The following VAV3 variants were observed in gnomAD, a reference collection of about 807,000 sequenced individuals.
VAV3 encodes vav guanine nucleotide exchange factor 3.
Under a neutral mutation model 131.2 loss-of-function variants are expected in VAV3, and 94 were observed. That is an observed-to-expected ratio of 0.72 (90% CI 0.61 to 0.85). VAV3 has a LOEUF of 0.85. VAV3 is among the 40% of genes least tolerant of loss of function. VAV3 has a pLI of 0.00. For missense variants in VAV3, 939 were observed against 1,002.7 expected (o/e 0.94, Z 0.86); for synonymous variants, 349 against 342.0 (o/e 1.02, Z -0.22).
intron 2 of VAV3, among the ~76,000 whole-genome samples, chr1:107,866,290 A>C (rs976660849): frequency 1.3e-5 from 2 of 152,120 alleles, no homozygotes; most frequent in Non-Finnish European, 2.9e-5. Flanking sequence ...TCTTCTGAGG[A>C]GGCAAGAATT....
chr1:107,778,824 A>C (rs1307774945), intron 3 of VAV3, among the ~76,000 whole-genome samples: 4 of 152,190 alleles, frequency 2.6e-5, no homozygotes, highest in Non-Finnish European at 5.9e-5. Flanking sequence ...TTGCTGACTG[A>C]TCTAACTTAA....
chr1:107,799,185 CCTCAT>C (rs1230824751), intron 2 of VAV3, among the ~76,000 whole-genome samples: 1 of 151,644 alleles, frequency 6.6e-6, no homozygotes, highest in East Asian at 1.9e-4. Flanking sequence ...TTTTTAGTTA[CCTCAT>C]TTCATATTTG....
chr1:107,893,723 A>C (rs552889316), intron 1 of VAV3, among the ~76,000 whole-genome samples: 164 of 152,328 alleles, frequency 1.1e-3, no homozygotes, highest in African/African-American at 3.9e-3. Context: ...GTGGGAATTC[A>C]AGATGAGATT....
intron 1 of VAV3, among the ~76,000 whole-genome samples, chr1:107,896,067 A>G (rs12080586): frequency 0.22 from 33,993 of 151,964 alleles, 3,919 homozygotes; most frequent in African/African-American, 0.27. Flanking sequence ...ACTTTCTCCC[A>G]TGGCCACAAG....
At chr1:107,759,154 C>T (rs139831047) in intron 10 of VAV3, among the ~76,000 whole-genome samples, 147 of 152,178 alleles carry the variant, frequency 9.7e-4, no homozygotes, top group African/African-American at 3.3e-3. Context: ...GAGCTTTATC[C>T]GAGTAGGGTC....
chr1:107,924,192 G>C (rs1361118009), intron 1 of VAV3, among the ~76,000 whole-genome samples: 1 of 152,084 alleles, frequency 6.6e-6, no homozygotes, highest in Non-Finnish European at 1.5e-5. Flanking sequence ...AGAAGTGACA[G>C]AAATTTGTCA....
chr1:107,740,845 C>T (rs1219866456), intron 15 of VAV3, among the ~76,000 whole-genome samples: 2 of 152,180 alleles, frequency 1.3e-5, no homozygotes, highest in East Asian at 3.9e-4. Flanking sequence ...TTAACTATGA[C>T]AGAATTGAGT....
chr1:107,803,383 T>C (rs1033340679), intron 2 of VAV3, among the ~76,000 whole-genome samples: 3 of 152,062 alleles, frequency 2.0e-5, no homozygotes, highest in Non-Finnish European at 4.4e-5. Flanking sequence ...TGTAGGTATT[T>C]ACTGCTATAA....
intron 1 of VAV3, among the ~76,000 whole-genome samples, chr1:107,953,053 C>T (rs1375720995): frequency 6.6e-6 from 1 of 152,148 alleles, no homozygotes; most frequent in Non-Finnish European, 1.5e-5. Context: ...TTTTTGAAAG[C>T]ACTTTTCCAG....
intron 2 of VAV3, among the ~76,000 whole-genome samples, chr1:107,781,217 A>G (rs1409348771): frequency 6.6e-6 from 1 of 152,194 alleles, no homozygotes; most frequent in Non-Finnish European, 1.5e-5. Flanking sequence ...TAACTGCTTC[A>G]TGGAGTTACT....
chr1:107,654,609 TC>T (rs1656408215), intron 19 of VAV3, among the ~76,000 whole-genome samples: 1 of 152,048 alleles, frequency 6.6e-6, no homozygotes, highest in East Asian at 1.9e-4. Flanking sequence ...TGACCTTCCT[TC>T]CTTTTTCCCT....
intron 19 of VAV3, among the ~76,000 whole-genome samples, chr1:107,677,574 T>C (rs561932660): frequency 2.2e-3 from 330 of 152,348 alleles, no homozygotes; most frequent in African/African-American, 7.7e-3. Flanking sequence ...TGATGATAAA[T>C]GTTCGAAGTA....
intron 19 of VAV3, among the ~76,000 whole-genome samples, chr1:107,650,774 T>C (rs535049383): frequency 9.2e-4 from 130 of 140,808 alleles, no homozygotes; most frequent in African/African-American, 3.1e-3. Flanking sequence ...TGTGTTCTCA[T>C]TGTTCAATTC....
chr1:107,909,633 A>G (rs978398471), intron 1 of VAV3, among the ~76,000 whole-genome samples: 2 of 152,206 alleles, frequency 1.3e-5, no homozygotes, highest in African/African-American at 4.8e-5. Flanking sequence ...CTTATGGTGT[A>G]ATCTTATTTT....
intron 2 of VAV3, among the ~76,000 whole-genome samples, chr1:107,796,507 CTA>C (rs1666553420): frequency 6.6e-6 from 1 of 151,958 alleles, no homozygotes; most frequent in African/African-American, 2.4e-5. Flanking sequence ...GATTCCATCC[CTA>C]ATATGATGGA....
chr1:107,722,012 A>G (rs1661532720), intron 15 of VAV3, among the ~76,000 whole-genome samples: 1 of 152,236 alleles, frequency 6.6e-6, no homozygotes, highest in Admixed American at 6.5e-5. Context: ...CTAGTATTAC[A>G]GTCCAGAAAC....
intron 19 of VAV3, among the ~76,000 whole-genome samples, chr1:107,647,958 A>G (rs1327511694): frequency 6.6e-6 from 1 of 152,010 alleles, no homozygotes; most frequent in Admixed American, 6.6e-5. Flanking sequence ...TCTTTCTAAG[A>G]AAGCATGACT....
intron 15 of VAV3, among the ~76,000 whole-genome samples, chr1:107,724,147 G>C (rs1302071077): frequency 6.6e-6 from 1 of 151,990 alleles, no homozygotes; most frequent in Non-Finnish European, 1.5e-5. Flanking sequence ...TCCAATCATA[G>C]TATTTCATCA....
intron 1 of VAV3, among the ~76,000 whole-genome samples, chr1:107,947,538 T>A (rs1468390733): frequency 6.6e-6 from 1 of 152,092 alleles, no homozygotes; most frequent in Non-Finnish European, 1.5e-5. Flanking sequence ...CCCATCTGAG[T>A]TCACTTACTC....
Sources: gnomAD v4.1 joint callset for allele counts (sites outside exome capture counted in the v4.1 genomes callset) on GRCh38, gnomAD v4.1.1 for gene constraint, MANE v1.5 for transcripts, NCBI Gene and HGNC (gene_info 2026-07-23, HGNC 2026-07-21) for gene names.